BRD7: variants seen among roughly 807,000 people sequenced by gnomAD.
BRD7 encodes bromodomain-containing protein 7.
In BRD7, 15 loss-of-function variants were observed where a neutral mutation model predicts 82.1. That is an observed-to-expected ratio of 0.18 (90% CI 0.12 to 0.28). The LOEUF (loss-of-function observed/expected upper bound fraction) is 0.28. Among genes scored for constraint, BRD7 ranks in the 10% least tolerant of loss-of-function variants. BRD7 has a pLI of 1.00. For synonymous variants in BRD7, 232 were observed against 266.9 expected, an observed-to-expected ratio of 0.87 and a Z score of 1.27; for missense variants, 638 against 779.9, an observed-to-expected ratio of 0.82 and a Z score of 2.17.
At chr16:50,323,853 A>G (rs2037221996) in intron 11 of BRD7, among the ~76,000 whole-genome samples, 155 bp from the exon 12 acceptor site, 1 of 152,244 alleles carries the variant, frequency 6.6e-6, no homozygotes, top group Non-Finnish European at 1.5e-5. Flanking sequence ...TTAATTAGCA[A>G]TAACATTATC....
chr16:50,321,174 G>A (rs1039284154), intron 13 of BRD7, among the ~76,000 whole-genome samples: 1 of 152,168 alleles, frequency 6.6e-6, no homozygotes, highest in Non-Finnish European at 1.5e-5. Flanking sequence ...CATCTAGTCC[G>A]TATACTTGCA....
intron 8 of BRD7, among the ~76,000 whole-genome samples, chr16:50,330,372 G>A (rs1023749516): frequency 5.0e-5 from 7 of 140,452 alleles, no homozygotes; most frequent in Non-Finnish European, 9.0e-5. Context: ...ACAGAGTCTC[G>A]CTCTGTTGCC....
rs1311419184 is a variant in BRD7 at position 50,323,664 on chromosome 16, G to A, written c.1366C>T (p.Pro456Ser). The change falls in exon 12 of 17, where the codon CCG becomes TCG. Residue 456 changes from proline to serine, a missense_variant. Physicochemically the swap from Pro to Ser is moderately conservative, Grantham distance 74. Transcript: ENST00000394688. ...HEFLATCQDY[P>S]YVMADSLLDV... ...AGTAAACTATCTGCCATGACATACG[G>A]ATAATCTTGGCACGTGGCCAAAAAC... is the stretch of plus-strand genomic sequence containing the variant. The A allele has an allele frequency of 1.2e-6, 2 of 1,613,832 alleles. No homozygotes were observed. The highest frequency in any genetic ancestry group is 1.7e-5 in the Admixed American group (1 of 60,016).
At chr16:50,324,750 G>A (rs549316929) in intron 11 of BRD7, among the ~76,000 whole-genome samples, 1 of 152,362 alleles carries the variant, frequency 6.6e-6, no homozygotes, top group East Asian at 1.9e-4. Context: ...CTTCTCTGCT[G>A]CTTTACCTTT....
intron 11 of BRD7, among the ~76,000 whole-genome samples, chr16:50,324,147 G>GT (rs560771014): frequency 1.8e-3 from 274 of 152,082 alleles, no homozygotes; most frequent in African/African-American, 6.2e-3. Flanking sequence ...CCCAAGTAAT[G>GT]TTCCAAAGCT....
chr16:50,357,050 C>T (rs1340604764), intron 2 of BRD7, among the ~76,000 whole-genome samples: 1 of 150,490 alleles, frequency 6.6e-6, no homozygotes. Flanking sequence ...TTGCAAGAAA[C>T]AAAAATTTTA....
At chr16:50,358,501 A>AT (rs2038826254) in intron 2 of BRD7, among the ~76,000 whole-genome samples, 1 of 151,636 alleles carries the variant, frequency 6.6e-6, no homozygotes, top group Non-Finnish European at 1.5e-5. Context: ...GTCTCAAAAA[A>AT]AAAAAAAAAA....
At chr16:50,358,976 T>G (rs2151202997) in intron 2 of BRD7, among the ~76,000 whole-genome samples, 1 of 152,358 alleles carries the variant, frequency 6.6e-6, no homozygotes, top group African/African-American at 2.4e-5. Flanking sequence ...AAGGCTGTGA[T>G]CTCTACAGGT....
chr16:50,335,626 T>C (rs1030021551), intron 6 of BRD7, among the ~76,000 whole-genome samples: 7 of 152,152 alleles, frequency 4.6e-5, no homozygotes, highest in African/African-American at 1.7e-4. Context: ...TAAAATAGAG[T>C]GCAACCTCCT....
intron 12 of BRD7, among the ~76,000 whole-genome samples, chr16:50,323,086 T>C (rs2037186594): frequency 6.6e-6 from 1 of 152,230 alleles, no homozygotes; most frequent in South Asian, 2.1e-4. Flanking sequence ...CTGGTTCTAA[T>C]CCTTAAGCCA....
At chr16:50,368,525 C>A (rs971270348) in intron 1 of BRD7, 5 of 725,420 alleles carry the variant, frequency 6.9e-6, no homozygotes, top group East Asian at 6.4e-5. Context: ...CACCAGAGAC[C>A]CACCGGACCA....
chr16:50,318,410 T>TATCTATCTA lies in BRD7; in HGVS notation c.*800_*801insTAGATAGAT, dbSNP rs906295175. The stretch of plus-strand genomic sequence containing the variant: ...TGTTCACTGAACAAGGCTATCTATC[T>TATCTATCTA]ATCTATCTCCATCCTGATTTTTTTC... On this transcript the variant is annotated 3_prime_UTR_variant, in exon 17 of 17. Transcript: ENST00000394688. 2.4e-4 allele frequency: 36 copies of TATCTATCTA among 152,134 alleles called. No homozygotes were observed. Among genetic ancestry groups the TATCTATCTA allele is most frequent in the Non-Finnish European group, 4.6e-4 (31 of 68,018 alleles). The allele number at this position is 152,134 out of a possible 1,614,324, so 9.4% of individuals were successfully genotyped here. A position where few individuals can be genotyped will look rare whatever the true frequency, so the allele number is the denominator to read the frequency against.
intron 7 of BRD7, 99 bp downstream of exon 7, chr16:50,334,612 T>C: frequency 1.4e-6 from 2 of 1,394,632 alleles, no homozygotes; most frequent in Non-Finnish European, 1.9e-6. Flanking sequence ...ACCGACACAC[T>C]AGCACTTGGT....
chr16:50,363,649 G>A (rs2039015654), intron 2 of BRD7, among the ~76,000 whole-genome samples: 2 of 91,192 alleles, frequency 2.2e-5, no homozygotes, highest in African/African-American at 3.8e-5. Context: ...GTTTGTGTGT[G>A]TGTGTGTGTG....
chr16:50,341,928 T>TCACACACA (rs375793137), intron 5 of BRD7, among the ~76,000 whole-genome samples: 6,594 of 143,572 alleles, frequency 0.046, 200 homozygotes, highest in East Asian at 0.09. Context: ...TGCACACTTT[T>TCACACACA]CACACACACA....
At chr16:50,343,271 AT>A (rs906689770) in intron 5 of BRD7, among the ~76,000 whole-genome samples, 17 of 152,202 alleles carry the variant, frequency 1.1e-4, no homozygotes, top group South Asian at 6.2e-4. Flanking sequence ...GGAGGCAGAT[AT>A]CCCCCTTGCT....
chr16:50,337,282 C>T (rs1244477923), intron 6 of BRD7, among the ~76,000 whole-genome samples: 27 of 101,910 alleles, frequency 2.6e-4, no homozygotes, highest in Non-Finnish European at 4.2e-4. Context: ...TTTTTTGAGA[C>T]GGAGTTTCCC....
chr16:50,333,683 A>G lies in BRD7; in HGVS notation c.902T>C (p.Met301Thr). The change falls in exon 8 of 17, where the codon ATG (methionine) becomes ACG (threonine). Residue 301 changes from methionine (M) to threonine (T), a missense_variant. Around this residue, in one of 3 missense-constraint regions of BRD7, gnomAD observed 402 missense variants for 500.8 expected, o/e 0.80. Coordinates refer to ENST00000394688, the MANE Select transcript of BRD7 (RefSeq NM_013263.5). ...ATTGCTTTTAAACTTATCTTCAAGC[A>G]TATCTTTGTCTTTCCTGAAAATATA... The part of the protein sequence containing the change: ...SKENKKKDKD[M>T]LEDKFKSNNL... 3.2e-6 allele frequency: 5 copies of G among 1,586,496 alleles called. No individual in the cohort carries two copies. Among genetic ancestry groups the G allele is most frequent in the African/African-American group, 1.4e-5 (1 of 73,970 alleles).
chr16:50,320,495 A>AAGAGTAATC (rs1385581379), intron 14 of BRD7, 104 bp from the exon 15 acceptor site: 1 of 1,512,426 alleles, frequency 6.6e-7, no homozygotes, highest in Non-Finnish European at 9.0e-7. Context: ...CTCCCTTCAA[A>AAGAGTAATC]AGAGTAATCC....
Sources: allele counts gnomAD v4.1 joint callset (sites outside exome capture counted in the v4.1 genomes callset), GRCh38; gene constraint gnomAD v4.1.1; regional missense constraint gnomAD v4.1.1; transcripts MANE v1.5; gene names NCBI Gene and HGNC (gene_info 2026-07-23, HGNC 2026-07-21).